Variants in ARNT2 observed in about 807,000 individuals in gnomAD.
ARNT2 encodes the protein ARNT protein 2.
A neutral mutation model predicts 91.7 loss-of-function variants in ARNT2; 36 were observed. The ratio of observed to expected loss-of-function variants is 0.39; its 90% CI spans 0.30 to 0.52. ARNT2 has a LOEUF of 0.52. Ranked by LOEUF, ARNT2 falls within the 20% of genes least tolerant of loss-of-function variation. The pLI, the probability that ARNT2 is intolerant of heterozygous loss-of-function variation, is 0.72. For synonymous variants in ARNT2, 365 were observed against 347.1 expected, an observed-to-expected ratio of 1.05 and a Z score of -0.57; for missense variants, 775 against 939.3, an observed-to-expected ratio of 0.83 and a Z score of 2.29.
chr15:80,536,972 C>A (rs1238245515), intron 8 of ARNT2, among the ~76,000 whole-genome samples: 1 of 152,196 alleles, frequency 6.6e-6, no homozygotes, highest in Non-Finnish European at 1.5e-5. Context: ...AAGCTGGTGG[C>A]CTCAGGGTGA....
intron 8 of ARNT2, among the ~76,000 whole-genome samples, chr15:80,534,728 C>T (rs1454889283): frequency 1.3e-5 from 2 of 152,216 alleles, no homozygotes; most frequent in Non-Finnish European, 2.9e-5. Flanking sequence ...TGTTTTCAGT[C>T]TGCAGCTCTT....
intron 8 of ARNT2, among the ~76,000 whole-genome samples, chr15:80,532,781 G>A (rs966998294): frequency 2.0e-5 from 3 of 152,208 alleles, no homozygotes; most frequent in Admixed American, 2.0e-4. Flanking sequence ...TGCTTTCAAG[G>A]GAGTATTCAC....
chr15:80,513,256 A>T (rs1187049378), intron 6 of ARNT2, among the ~76,000 whole-genome samples: 5 of 152,150 alleles, frequency 3.3e-5, no homozygotes, highest in Non-Finnish European at 7.4e-5. Flanking sequence ...GGGAGGCAGG[A>T]AAGGTTGTCC....
chr15:80,569,489 T>C (rs897729722), intron 12 of ARNT2, among the ~76,000 whole-genome samples: 1 of 152,162 alleles, frequency 6.6e-6, no homozygotes, highest in Non-Finnish European at 1.5e-5. Context: ...AGGGCTCTTC[T>C]CAGGATGGGG....
intron 5 of ARNT2, among the ~76,000 whole-genome samples, chr15:80,503,787 A>G (rs4238521): frequency 0.85 from 129,596 of 152,274 alleles, 55,404 homozygotes; most frequent in Non-Finnish European, 0.87. Flanking sequence ...CACTGAGTCA[A>G]ACCATTCCAC....
At chr15:80,513,818 A>G (rs1414125059) in intron 6 of ARNT2, 93 bp from the exon 7 acceptor site, 8 of 1,079,690 alleles carry the variant, frequency 7.4e-6, no homozygotes, top group South Asian at 2.6e-5. Context: ...ATGTGTAAGC[A>G]TCAATTAAGG....
chr15:80,541,808 G>A (rs903069687), intron 8 of ARNT2, among the ~76,000 whole-genome samples: 4 of 152,194 alleles, frequency 2.6e-5, no homozygotes, highest in Admixed American at 2.6e-4. Context: ...TGTCGTAGAG[G>A]CATTTTGTCA....
At chr15:80,545,478 C>T (rs4778604) in intron 8 of ARNT2, among the ~76,000 whole-genome samples, 78,780 of 151,992 alleles carry the variant, frequency 0.52, 21,906 homozygotes, top group African/African-American at 0.73. Context: ...TGTGTTTATT[C>T]CCTGCAGAGG....
At chr15:80,500,824 A>G (rs906650053) in intron 5 of ARNT2, among the ~76,000 whole-genome samples, 3 of 152,204 alleles carry the variant, frequency 2.0e-5, no homozygotes, top group African/African-American at 4.8e-5. Flanking sequence ...GCAATAAATA[A>G]ATGAGTGGGT....
chr15:80,522,478 G>A (rs1029021513), intron 8 of ARNT2, among the ~76,000 whole-genome samples: 3 of 152,122 alleles, frequency 2.0e-5, no homozygotes, highest in Non-Finnish European at 4.4e-5. Flanking sequence ...TTTAATCGTT[G>A]TGTGAACATC....
At position 80,446,869 on chromosome 15, in the gene ARNT2, T is replaced by C. The variant is rs188167518; in HGVS notation, c.32-4011T>C. ...TTCCCCTTCCTCTGTCTCTGTCTCA[T>C]TCATTCATTGCTTCCAGTTCTCACC... On this transcript the variant is annotated intron_variant, in intron 1 of 18. Coordinates refer to ENST00000303329, the MANE Select transcript of ARNT2 (RefSeq NM_014862.4). Among the ~76,000 whole-genome samples the C allele has an allele frequency of 8.5e-5, 13 of 152,344 alleles. No individual in the cohort carries two copies. In the East Asian group the frequency reaches 1.2e-3, roughly 14 times the overall value.
At position 80,595,236 on chromosome 15, in the gene ARNT2, TG is replaced by T. The variant is rs1484161376; in HGVS notation, c.*1540del. ...GCCCATCAGCCCACTGACTCCCATA[TG>T]GTAGAAAAGGTACCGTGGCTGCTGC... On this transcript the variant is annotated 3_prime_UTR_variant, in exon 19 of 19. Transcript: ENST00000303329. 3.3e-5 allele frequency: 5 copies of T among 152,250 alleles called. No individual in the cohort carries two copies. The highest frequency in any genetic ancestry group is 5.9e-5 in the Non-Finnish European group (4 of 68,092). 9.4% of individuals were successfully genotyped at this position (152,250 alleles called of 1,614,324 possible). A position where few individuals can be genotyped will look rare whatever the true frequency, so the allele number is the denominator to read the frequency against.
chr15:80,522,796 A>G (rs57650395), intron 8 of ARNT2, among the ~76,000 whole-genome samples: 4,901 of 123,212 alleles, frequency 0.04, 158 homozygotes, highest in African/African-American at 0.11. Context: ...TGATATTTAC[A>G]TATGTGTGTG....
chr15:80,451,717 TCAAC>T (rs1006846817), intron 2 of ARNT2, among the ~76,000 whole-genome samples: 14 of 140,052 alleles, frequency 1.0e-4, no homozygotes, highest in Admixed American at 1.4e-4. Flanking sequence ...AACCAACCAA[TCAAC>T]CAACCAACCA....
chr15:80,583,266 G>A (rs553475358), intron 17 of ARNT2, among the ~76,000 whole-genome samples: 3 of 152,370 alleles, frequency 2.0e-5, no homozygotes, highest in Non-Finnish European at 2.9e-5. Context: ...GAGCTAACAC[G>A]CAACCGTGGC....
At chr15:80,471,550 GAC>G (rs747958468) in intron 4 of ARNT2, among the ~76,000 whole-genome samples, 3 of 152,168 alleles carry the variant, frequency 2.0e-5, no homozygotes, top group Non-Finnish European at 4.4e-5. Flanking sequence ...AAAGAAAAAA[GAC>G]AGTGATGGCA....
chr15:80,543,293 T>G (rs904557718), intron 8 of ARNT2, among the ~76,000 whole-genome samples: 1 of 152,048 alleles, frequency 6.6e-6, no homozygotes, highest in Non-Finnish European at 1.5e-5. Flanking sequence ...ACCCATTTTA[T>G]GTATAAGGTA....
intron 6 of ARNT2, among the ~76,000 whole-genome samples, chr15:80,510,218 T>C (rs893155052): frequency 6.6e-6 from 1 of 152,102 alleles, no homozygotes; most frequent in Non-Finnish European, 1.5e-5. Flanking sequence ...CTTTGCCCAC[T>C]CAGTCGGAAA....
chr15:80,544,632 C>T (rs1271474854), intron 8 of ARNT2, among the ~76,000 whole-genome samples: 4 of 152,162 alleles, frequency 2.6e-5, no homozygotes, highest in African/African-American at 9.7e-5. Flanking sequence ...CCTGAATGCA[C>T]TTCATTTATT....
Sources: gnomAD v4.1 joint callset for allele counts (sites outside exome capture counted in the v4.1 genomes callset) on GRCh38, gnomAD v4.1.1 for gene constraint, MANE v1.5 for transcripts, NCBI Gene and HGNC (gene_info 2026-07-23, HGNC 2026-07-21) for gene names.